CNOT6: variants seen among roughly 807,000 people sequenced by gnomAD.
The protein encoded by CNOT6 is carbon catabolite repression 4 protein.
A neutral mutation model predicts 61.2 loss-of-function variants in CNOT6; 12 were observed. The observed-to-expected ratio is 0.20, with a 90% CI of 0.13 to 0.32. The LOEUF (loss-of-function observed/expected upper bound fraction) is 0.32, where lower values mean the gene tolerates loss of function less well. Among genes scored for constraint, CNOT6 ranks in the 10% least tolerant of loss-of-function variants. The pLI is 1.00. For synonymous variants in CNOT6, 225 were observed against 240.6 expected, an observed-to-expected ratio of 0.94 and a Z score of 0.60; for missense variants, 405 against 663.9, an observed-to-expected ratio of 0.61 and a Z score of 4.28.
At chr5:180,499,710 G>T (rs1489188915) in intron 1 of CNOT6, among the ~76,000 whole-genome samples, 1 of 152,190 alleles carries the variant, frequency 6.6e-6, no homozygotes, top group Non-Finnish European at 1.5e-5. Context: ...ACGTTGAATG[G>T]TTAAGAAATA....
At chr5:180,562,871 T>C (rs79001601) in intron 4 of CNOT6, among the ~76,000 whole-genome samples, 2,743 of 152,280 alleles carry the variant, frequency 0.018, 71 homozygotes, top group African/African-American at 0.061. Flanking sequence ...CTGATAAGCT[T>C]CAGGTTGTAA....
At chr5:180,566,540 G>A (rs1760465462) in intron 7 of CNOT6, among the ~76,000 whole-genome samples, 1 of 150,830 alleles carries the variant, frequency 6.6e-6, no homozygotes, top group African/African-American at 2.4e-5. Flanking sequence ...TTCACTCACT[G>A]TTCTTAAACA....
chr5:180,522,077 A>G (rs1246102997), intron 1 of CNOT6, among the ~76,000 whole-genome samples: 1 of 152,118 alleles, frequency 6.6e-6, no homozygotes, highest in East Asian at 1.9e-4. Flanking sequence ...GCTGGGCCAA[A>G]CGGGTAGTTC....
chr5:180,551,807 T>G (rs1759614634), intron 3 of CNOT6, among the ~76,000 whole-genome samples: 1 of 152,010 alleles, frequency 6.6e-6, no homozygotes, highest in East Asian at 1.9e-4. Flanking sequence ...TTTAATTGAG[T>G]TTGTTCTATG....
Position 180,576,463 on chromosome 5 carries a change from A to G in CNOT6, c.*2263A>G, listed in dbSNP as rs1355986201. The G allele has an allele frequency of 6.6e-6, 1 of 152,650 alleles. No individual in the cohort carries two copies. Among genetic ancestry groups the G allele is most frequent in the Non-Finnish European group, 1.5e-5 (1 of 68,032 alleles). 9.5% of individuals were successfully genotyped at this position (152,650 alleles called of 1,614,324 possible). On this transcript the variant is annotated 3_prime_UTR_variant, in exon 12 of 12. Transcript: ENST00000261951. ...CTTTACACAAAATGTCTTCATCTGT[A>G]TTTGTTATTGTCTACAATATATTTG...
chr5:180,537,831 G>A (rs1363105754), intron 2 of CNOT6, among the ~76,000 whole-genome samples: 1 of 137,574 alleles, frequency 7.3e-6, no homozygotes, highest in Non-Finnish European at 1.6e-5. Flanking sequence ...TGTAAATGGT[G>A]TATTTTTAAT....
rs928146100 is a variant in CNOT6, at chr5:180,577,789, G to A, written c.*3589G>A. On this transcript the variant is annotated 3_prime_UTR_variant, in exon 12 of 12. Coordinates refer to ENST00000261951, the MANE Select transcript of CNOT6 (RefSeq NM_001370472.1). ...CCGCCCAGACAGCTCTTTGATGAGG[G>A]TGATGGGAACTGAATAAACCATACG... 1 of 152,646 alleles carries A rather than the reference G, an allele frequency of 6.6e-6. No homozygotes were observed. Among genetic ancestry groups the A allele is most frequent in the Admixed American group, 6.5e-5 (1 of 15,286 alleles). The allele number at this position is 152,646 out of a possible 1,614,324, so 9.5% of individuals were successfully genotyped here.
At chr5:180,525,575 G>T (rs1254781369) in intron 1 of CNOT6, among the ~76,000 whole-genome samples, 1 of 151,618 alleles carries the variant, frequency 6.6e-6, no homozygotes, top group East Asian at 1.9e-4. Flanking sequence ...TTTCCTGTCA[G>T]CAGGGAGGCA....
chr5:180,505,022 G>A (rs1218295834), intron 1 of CNOT6, among the ~76,000 whole-genome samples: 3 of 142,696 alleles, frequency 2.1e-5, no homozygotes, highest in African/African-American at 2.6e-5. Context: ...GCAGTGGCGC[G>A]ATCTTGACTC....
intron 1 of CNOT6, among the ~76,000 whole-genome samples, chr5:180,524,861 A>G (rs1758024802): frequency 6.6e-6 from 1 of 152,242 alleles, no homozygotes; most frequent in South Asian, 2.1e-4. Context: ...GCTAATGAAG[A>G]TCAGATAGTT....
intron 2 of CNOT6, among the ~76,000 whole-genome samples, chr5:180,549,101 C>CA (rs764529241): frequency 7.8e-4 from 118 of 152,138 alleles, no homozygotes; most frequent in Non-Finnish European, 1.5e-3. Context: ...CCATATAATA[C>CA]AAAATGCTGC....
intron 1 of CNOT6, among the ~76,000 whole-genome samples, chr5:180,501,563 G>A (rs1255680918): frequency 6.6e-6 from 1 of 152,202 alleles, no homozygotes; most frequent in African/African-American, 2.4e-5. Flanking sequence ...GATTACTCAG[G>A]AAGAGTGTGT....
At position 180,551,580 on chromosome 5, in the gene CNOT6, T is replaced by A. The variant is rs6861013; in HGVS notation, c.299+1463T>A. On this transcript the variant is annotated intron_variant, in intron 3 of 11. Coordinates refer to ENST00000261951, the MANE Select transcript of CNOT6 (RefSeq NM_001370472.1). ...TTTTACTTCTGTTTTATAAGGTAGA[T>A]AAGATCTAACCAAGTTAATATAAAG... is the stretch of plus-strand genomic sequence containing the variant. Among the ~76,000 whole-genome samples the A allele has an allele frequency of 8.0e-3, 1,216 of 152,270 alleles. 15 individuals are homozygous for A. Among genetic ancestry groups the A allele is most frequent in the African/African-American group, 0.028 (1,151 of 41,550 alleles).
intron 2 of CNOT6, among the ~76,000 whole-genome samples, chr5:180,535,344 T>G (rs1014844614): frequency 2.0e-5 from 3 of 152,354 alleles, no homozygotes; most frequent in South Asian, 4.1e-4. Context: ...CTTCAGTGTC[T>G]GTTTTTCCAT....
chr5:180,565,362 G>A (rs989823881), intron 6 of CNOT6, among the ~76,000 whole-genome samples: 3 of 152,186 alleles, frequency 2.0e-5, no homozygotes, highest in Non-Finnish European at 4.4e-5. Context: ...CTTTCATGGT[G>A]CGTGTAACAA....
chr5:180,529,232 TATTTGA>T, intron 1 of CNOT6, 37 bp from the exon 2 acceptor site: 1 of 1,108,006 alleles, frequency 9.0e-7, no homozygotes, highest in Non-Finnish European at 1.3e-6. Flanking sequence ...GGCTTTTGTT[TATTTGA>T]TTTTTTAGAA....
chr5:180,547,428 G>C (rs976936814), intron 2 of CNOT6, among the ~76,000 whole-genome samples: 1 of 152,084 alleles, frequency 6.6e-6, no homozygotes, highest in Non-Finnish European at 1.5e-5. Context: ...GCTGAGGCAG[G>C]AGAATCGCTT....
chr5:180,550,198 T>C, intron 3 of CNOT6, 81 bp downstream of exon 3: 1 of 1,101,920 alleles, frequency 9.1e-7, no homozygotes, highest in Admixed American at 2.0e-5. Context: ...CTTATGCCTG[T>C]AATTCTAGCG....
intron 1 of CNOT6, among the ~76,000 whole-genome samples, chr5:180,515,708 A>G (rs1387599694): frequency 6.6e-6 from 1 of 152,056 alleles, no homozygotes; most frequent in African/African-American, 2.4e-5. Context: ...CAGTAGCTCT[A>G]AGGAGCCTGA....
Sources: allele counts gnomAD v4.1 joint callset (sites outside exome capture counted in the v4.1 genomes callset), GRCh38; gene constraint gnomAD v4.1.1; transcripts MANE v1.5; gene names NCBI Gene and HGNC (gene_info 2026-07-23, HGNC 2026-07-21).